Variants in CDH13 observed in about 807,000 individuals in gnomAD.
CDH13 encodes cadherin-13.
A neutral mutation model predicts 63.8 loss-of-function variants in CDH13; 24 were observed. That is an observed-to-expected ratio of 0.38 (90% confidence interval 0.27 to 0.53). The LOEUF (loss-of-function observed/expected upper bound fraction) is 0.53. Among genes scored for constraint, CDH13 ranks in the 20% least tolerant of loss-of-function variants. CDH13 has a pLI of 0.85. For synonymous variants in CDH13, 503 were observed against 355.3 expected (o/e 1.42, Z -4.67); for missense variants, 1,049 against 903.1 (o/e 1.16, Z -2.07).
Position 83,670,351 on chromosome 16 carries a change from A to G in CDH13, c.1102-439A>G, listed in dbSNP as rs540193589. ...TCAATGAAAATTTGTTTCTCATTCA[A>G]TGATAGTTCAGGACAGGTGTTCTTG... On this transcript the variant is annotated intron_variant, in intron 8 of 13. Coordinates refer to ENST00000567109, the MANE Select transcript of CDH13 (RefSeq NM_001257.5). 1.1e-4 allele frequency among the ~76,000 whole-genome samples: 16 copies of G among 152,330 alleles called. No homozygotes were observed. The South Asian group carries it at 1.5e-3, about 14-fold the overall frequency.
At chr16:83,406,595 T>C (rs1200561333) in intron 6 of CDH13, among the ~76,000 whole-genome samples, 1 of 152,084 alleles carries the variant, frequency 6.6e-6, no homozygotes, top group Admixed American at 6.5e-5. Context: ...TCCCAAGTAG[T>C]TGGGACTACA....
At chr16:83,229,495 T>C (rs1171353922) in intron 5 of CDH13, among the ~76,000 whole-genome samples, 1 of 144,334 alleles carries the variant, frequency 6.9e-6, no homozygotes, top group Non-Finnish European at 1.5e-5. Flanking sequence ...ATTTTGAGGG[T>C]TTTTTTTTTC....
At chr16:83,014,830 G>A (rs1412059711) in intron 2 of CDH13, among the ~76,000 whole-genome samples, 14 of 95,248 alleles carry the variant, frequency 1.5e-4, no homozygotes, top group African/African-American at 4.8e-4. Context: ...ATATATATTT[G>A]TATATATATT....
At chr16:83,015,677 G>GTGTATATATATATATA (rs1280924836) in intron 2 of CDH13, among the ~76,000 whole-genome samples, 1 of 37,568 alleles carries the variant, frequency 2.7e-5, no homozygotes, top group African/African-American at 8.7e-5. Context: ...GTGTGTGTAT[G>GTGTATATATATATATA]TATATATATA....
intron 7 of CDH13, among the ~76,000 whole-genome samples, chr16:83,530,399 G>C (rs965298954): frequency 6.6e-6 from 1 of 152,134 alleles, no homozygotes; most frequent in African/African-American, 2.4e-5. Flanking sequence ...ATTTCCAGCT[G>C]GCTGTCTAAA....
intron 10 of CDH13, among the ~76,000 whole-genome samples, chr16:83,708,375 T>A (rs1368400465): frequency 6.6e-6 from 1 of 152,210 alleles, no homozygotes; most frequent in Non-Finnish European, 1.5e-5. Context: ...GGTAGCATGG[T>A]GGTTCAGGTT....
chr16:83,482,822 G>C (rs567440957), intron 6 of CDH13, among the ~76,000 whole-genome samples: 1 of 152,348 alleles, frequency 6.6e-6, no homozygotes, highest in East Asian at 1.9e-4. Context: ...ACCATGGGCA[G>C]GGTGGGAGAA....
intron 1 of CDH13, among the ~76,000 whole-genome samples, chr16:82,697,165 A>C (rs7189439): frequency 0.018 from 2,814 of 152,332 alleles, 91 homozygotes; most frequent in African/African-American, 0.065. Flanking sequence ...ATTAAACTCT[A>C]TGTCCTGAAG....
At chr16:83,730,256 A>G (rs1910891900) in intron 10 of CDH13, among the ~76,000 whole-genome samples, 1 of 152,226 alleles carries the variant, frequency 6.6e-6, no homozygotes, top group Admixed American at 6.5e-5. Context: ...CCTCTCTCAG[A>G]TCTTCACAAT....
At chr16:83,447,219 A>C (rs1307067193) in intron 6 of CDH13, among the ~76,000 whole-genome samples, 1 of 146,294 alleles carries the variant, frequency 6.8e-6, no homozygotes, top group African/African-American at 2.5e-5. Flanking sequence ...GTTCGAGACC[A>C]GCCTAGTCAA....
chr16:83,043,298 T>A (rs147499759), intron 3 of CDH13, among the ~76,000 whole-genome samples: 1 of 152,164 alleles, frequency 6.6e-6, no homozygotes, highest in Non-Finnish European at 1.5e-5. Context: ...ACTGATCCCA[T>A]AGAAAGTATA....
At chr16:82,961,340 A>T (rs760570229) in intron 2 of CDH13, among the ~76,000 whole-genome samples, 7 of 152,162 alleles carry the variant, frequency 4.6e-5, no homozygotes, top group African/African-American at 7.2e-5. Context: ...AAACGTCACT[A>T]ACCTATGGTT....
intron 6 of CDH13, among the ~76,000 whole-genome samples, chr16:83,473,513 G>A (rs999067359): frequency 3.9e-5 from 6 of 152,126 alleles, no homozygotes; most frequent in African/African-American, 1.4e-4. Context: ...ACTTCAGCCA[G>A]GTCACTTACC....
chr16:83,501,491 A>C (rs145084331), intron 7 of CDH13, among the ~76,000 whole-genome samples: 1 of 152,326 alleles, frequency 6.6e-6, no homozygotes, highest in East Asian at 1.9e-4. Flanking sequence ...GCATGTTAGA[A>C]TATCTAATAG....
intron 3 of CDH13, among the ~76,000 whole-genome samples, chr16:83,102,206 C>A (rs758212589): frequency 1.2e-4 from 18 of 152,202 alleles, no homozygotes; most frequent in Non-Finnish European, 2.2e-4. Flanking sequence ...GAACACAGTT[C>A]TGATGACACC....
chr16:83,162,969 G>A (rs1006785747), intron 4 of CDH13, among the ~76,000 whole-genome samples: 11 of 152,146 alleles, frequency 7.2e-5, no homozygotes, highest in Middle Eastern at 3.4e-3. Context: ...ATCTTGAATT[G>A]TAACCCCCAC....
intron 1 of CDH13, among the ~76,000 whole-genome samples, chr16:82,780,249 G>C (rs2035690222): frequency 6.6e-6 from 1 of 152,158 alleles, no homozygotes; most frequent in African/African-American, 2.4e-5. Flanking sequence ...TTACTTGAAA[G>C]CTCTGTCTCC....
At chr16:82,839,619 G>C (rs2038923381) in intron 1 of CDH13, among the ~76,000 whole-genome samples, 1 of 152,136 alleles carries the variant, frequency 6.6e-6, no homozygotes, top group African/African-American at 2.4e-5. Flanking sequence ...TAACGGCTTT[G>C]CTGGCCAGTG....
At chr16:83,690,043 G>T (rs1361096447) in intron 10 of CDH13, among the ~76,000 whole-genome samples, 1 of 150,112 alleles carries the variant, frequency 6.7e-6, no homozygotes, top group Non-Finnish European at 1.5e-5. Context: ...AAATTAGCCG[G>T]GCGCCTGTAA....
Sources: allele counts gnomAD v4.1 joint callset (sites outside exome capture counted in the v4.1 genomes callset), GRCh38; gene constraint gnomAD v4.1.1; transcripts MANE v1.5; gene names NCBI Gene and HGNC (gene_info 2026-07-23, HGNC 2026-07-21).